Variants in SCN7A observed in about 807,000 individuals in gnomAD.
SCN7A encodes sodium voltage-gated channel alpha subunit 7, also known as sodium channel protein type 7 subunit alpha.
A neutral mutation model predicts 155.2 loss-of-function variants in SCN7A; 138 were observed. The ratio of observed to expected loss-of-function variants is 0.89; its 90% CI spans 0.77 to 1.02. The LOEUF is 1.02. Ranked by LOEUF, SCN7A falls within the 50% of genes least tolerant of loss-of-function variation. The pLI is 0.00. For synonymous variants in SCN7A, 693 were observed against 649.0 expected (o/e 1.07, Z -1.03); for missense variants, 2,058 against 1,986.6 (o/e 1.04, Z -0.68).
chr2:166,446,583 C>T (rs1418410209), intron 12 of SCN7A, among the ~76,000 whole-genome samples: 2 of 152,128 alleles, frequency 1.3e-5, no homozygotes, highest in African/African-American at 4.8e-5. Flanking sequence ...ATGTTCATTG[C>T]AGCGCTATTC....
chr2:166,463,241 A>G (rs1702453543), intron 9 of SCN7A, among the ~76,000 whole-genome samples: 2 of 152,270 alleles, frequency 1.3e-5, no homozygotes, highest in South Asian at 4.1e-4. Context: ...GGGAGTCCTC[A>G]TATTTCTATC....
intron 10 of SCN7A, among the ~76,000 whole-genome samples, chr2:166,458,299 A>G (rs556373820): frequency 1.8e-4 from 27 of 151,276 alleles, no homozygotes; most frequent in Admixed American, 7.9e-4. Flanking sequence ...ACTGAACTCC[A>G]GCCTGGGTGA....
At chr2:166,460,108 C>T (rs1038580817) in intron 10 of SCN7A, among the ~76,000 whole-genome samples, 2 of 152,034 alleles carry the variant, frequency 1.3e-5, no homozygotes, top group African/African-American at 4.8e-5. Flanking sequence ...GCACATGTAT[C>T]CCAGAACTTA....
chr2:166,423,933 C>A (rs1251469036), intron 18 of SCN7A, among the ~76,000 whole-genome samples: 4 of 152,072 alleles, frequency 2.6e-5, no homozygotes, highest in African/African-American at 9.7e-5. Context: ...ATAACTGTTT[C>A]TCCAAAGCTT....
In SCN7A at chr2:166,405,337, T is replaced by C. The variant is rs1701043972; in HGVS notation, c.*243A>G. ...ATATAAGCCATGTAGAGAAAACAAA[T>C]ATGAGATTGTCAAATGGCCACTTTA... On this transcript the variant is annotated 3_prime_UTR_variant, in exon 26 of 26. Transcript: ENST00000643258. 6.9e-6 allele frequency: 3 copies of C among 434,636 alleles called. No homozygotes were observed. Among genetic ancestry groups the C allele is most frequent in the Non-Finnish European group, 1.2e-5 (3 of 248,410 alleles). The allele number at this position is 434,636 out of a possible 1,614,324, so 26.9% of individuals were successfully genotyped here.
chr2:166,466,113 A>C (rs1030532707), intron 7 of SCN7A, 126 bp from the exon 8 acceptor site: 27 of 666,352 alleles, frequency 4.1e-5, no homozygotes, highest in Non-Finnish European at 2.5e-6. Flanking sequence ...TGTAATTCTA[A>C]TTATTTGGGC....
chr2:166,424,801 CA>C (rs1186669562), intron 18 of SCN7A, among the ~76,000 whole-genome samples: 1 of 152,054 alleles, frequency 6.6e-6, no homozygotes, highest in Non-Finnish European at 1.5e-5. Flanking sequence ...ATGGAAATCA[CA>C]AACTATAATT....
chr2:166,453,170 A>G (rs1448051503), intron 11 of SCN7A, among the ~76,000 whole-genome samples: 1 of 152,172 alleles, frequency 6.6e-6, no homozygotes, highest in Non-Finnish European at 1.5e-5. Context: ...ACTGAACCTC[A>G]GTTTTCTTAT....
intron 2 of SCN7A, among the ~76,000 whole-genome samples, chr2:166,483,202 GA>G (rs1425205210): frequency 1.3e-5 from 2 of 151,676 alleles, no homozygotes; most frequent in African/African-American, 4.8e-5. Context: ...AATTTTTATA[GA>G]AAAAAAATTT....
chr2:166,438,480 GAACTCTGCTTTTTCTAC>G (rs1412447861), intron 15 of SCN7A, among the ~76,000 whole-genome samples: 2 of 152,118 alleles, frequency 1.3e-5, no homozygotes, highest in Non-Finnish European at 2.9e-5. Flanking sequence ...CTTTGATTCT[GAACTCTGCTTTTTCTAC>G]AACTCAACAA....
At chr2:166,462,135 C>G in intron 10 of SCN7A, 4 of 272,820 alleles carry the variant, frequency 1.5e-5, no homozygotes, top group Non-Finnish European at 2.7e-5. Context: ...CACACACTCT[C>G]TTCTCTCTCT....
At chr2:166,408,982 C>G (rs1701136851) in intron 25 of SCN7A, among the ~76,000 whole-genome samples, 1 of 152,008 alleles carries the variant, frequency 6.6e-6, no homozygotes, top group South Asian at 2.1e-4. Context: ...GATTAGGTGA[C>G]CTCCTTCTGC....
At chr2:166,448,714 G>C (rs914955294) in intron 11 of SCN7A, among the ~76,000 whole-genome samples, 1 of 152,146 alleles carries the variant, frequency 6.6e-6, no homozygotes, top group African/African-American at 2.4e-5. Context: ...ACCAGGAAAT[G>C]GTTGTGGTAT....
intron 21 of SCN7A, among the ~76,000 whole-genome samples, chr2:166,413,555 CTAA>C (rs904871755): frequency 1.3e-5 from 2 of 151,948 alleles, no homozygotes; most frequent in Admixed American, 1.3e-4. Context: ...TTGGGTTGAA[CTAA>C]AGAATTATTA....
chr2:166,465,509 C>A lies in SCN7A; in HGVS notation c.894G>T (p.Leu298Phe). The A allele has an allele frequency of 6.2e-7, 1 of 1,606,124 alleles. No homozygotes were observed. The highest frequency in any genetic ancestry group is 8.5e-7 in the Non-Finnish European group (1 of 1,175,674). Residue 298 changes from leucine to phenylalanine, a missense_variant, in exon 9 of 26, where the codon TTG becomes TTT. Transcript: ENST00000643258. Reference protein sequence around the residue: ...YIRETENFYYLEGERYALLCG... With the variant: ...YIRETENFYYFEGERYALLCG... ...AAAGGAGAGCATATCTTTCTCCTTC[C>A]AAATAATAAAAGTTTTCTGTTTCTG...
chr2:166,443,632 AATT>A lies in SCN7A; in HGVS notation c.1668_1670del (p.Ile557del). 1 of 1,560,820 alleles carries A rather than the reference AATT, an allele frequency of 6.4e-7. No individual in the cohort carries two copies. Among genetic ancestry groups the A allele is most frequent in the Non-Finnish European group, 8.7e-7 (1 of 1,152,046 alleles). On this transcript the variant is annotated inframe_deletion, in exon 14 of 26. Transcript: ENST00000643258. ...GGAAATACCCATATGGATGCATTGC[AATT>A]ATTTTAAAAATCATTTCTGCTGTGA...
chr2:166,420,726 T>A (rs1701493342), intron 20 of SCN7A, among the ~76,000 whole-genome samples: 1 of 152,164 alleles, frequency 6.6e-6, no homozygotes, highest in South Asian at 2.1e-4. Context: ...TAAGAAATCA[T>A]CACTTGTGAT....
rs759168307 is a variant in SCN7A, at chr2:166,406,172, A to G, written c.4457T>C (p.Ile1486Thr). ...AACAACAATGTACATATTTACAATG[A>G]TCAGCCATGATATGAGGATATAACT... ...FVSYILISWL[I>T]IVNMYIVVVM... Residue 1486 changes from isoleucine (I) to threonine (T), a missense_variant, in exon 26 of 26, where the codon ATC becomes ACC. By Grantham distance (89) the Ile-to-Thr change is moderately conservative. Transcript: ENST00000643258. The G allele has an allele frequency of 6.2e-7, 1 of 1,612,582 alleles. No homozygotes were observed. The highest frequency in any genetic ancestry group is 1.1e-5 in the South Asian group (1 of 91,028).
rs568889873 is a variant in SCN7A, at chr2:166,411,987, G to A, written c.3606+543C>T. 7.2e-5 allele frequency among the ~76,000 whole-genome samples: 11 copies of A among 152,160 alleles called. No homozygotes were observed. The East Asian group carries it at 2.1e-3, about 29-fold the overall frequency. ...TTGCGTTTGTGGAGGCCCTGAAGAAGCTGCTTTTTAGAAATGGCATGAAAC... is the reference window on the plus strand; with the variant it reads ...TTGCGTTTGTGGAGGCCCTGAAGAAACTGCTTTTTAGAAATGGCATGAAAC... On this transcript the variant is annotated intron_variant, in intron 23 of 25. Transcript: ENST00000643258.
Sources: gnomAD v4.1 joint callset for allele counts (sites outside exome capture counted in the v4.1 genomes callset) on GRCh38, gnomAD v4.1.1 for gene constraint, MANE v1.5 for transcripts, NCBI Gene and HGNC (gene_info 2026-07-23, HGNC 2026-07-21) for gene names.